MAPKAPK2: variants seen among roughly 807,000 people sequenced by gnomAD.
The protein encoded by MAPKAPK2 is MAPK activated protein kinase 2, also known as MAP kinase-activated protein kinase 2.
A neutral mutation model predicts 48.8 loss-of-function variants in MAPKAPK2; 9 were observed. The observed-to-expected ratio is 0.18, with a 90% CI of 0.11 to 0.32. MAPKAPK2 has a LOEUF of 0.32. Ranked by LOEUF, MAPKAPK2 falls within the 10% of genes least tolerant of loss-of-function variation. The pLI, the probability that MAPKAPK2 is intolerant of heterozygous loss-of-function variation, is 1.00. For synonymous variants in MAPKAPK2, 202 were observed against 190.6 expected (o/e 1.06, Z -0.49); for missense variants, 331 against 498.3 (o/e 0.66, Z 3.20).
Position 206,731,155 on chromosome 1 carries a change from C to T in MAPKAPK2, c.785C>T (p.Pro262Leu). 1 of 1,614,232 alleles carries T rather than the reference C, an allele frequency of 6.2e-7. No homozygotes were observed. Among genetic ancestry groups the T allele is most frequent in the Non-Finnish European group, 8.5e-7 (1 of 1,180,038 alleles). Residue 262 changes from proline to leucine, a missense_variant, in exon 7 of 10, where the codon CCC becomes CTC. Physicochemically the swap from Pro to Leu is moderately conservative, Grantham distance 98. Coordinates refer to ENST00000367103, the MANE Select transcript of MAPKAPK2 (RefSeq NM_032960.4). The surrounding 1 kb of genome is among the most constrained non-coding windows in gnomAD (Gnocchi z 5.9). ...TGATGCAGGCTGTGTGGGTATCCCC[C>T]CTTCTACTCCAACCACGGCCTTGCC... ...IMYILLCGYPPFYSNHGLAIS... is the reference protein window; with the variant it reads ...IMYILLCGYPLFYSNHGLAIS...
intron 1 of MAPKAPK2, among the ~76,000 whole-genome samples, chr1:206,688,517 G>A (rs1672353022): frequency 6.6e-6 from 1 of 152,220 alleles, no homozygotes; most frequent in Admixed American, 6.5e-5. Flanking sequence ...CCCAAAGTTG[G>A]AGGGGAACTT....
intron 1 of MAPKAPK2, among the ~76,000 whole-genome samples, chr1:206,701,238 T>C (rs1672783769): frequency 6.6e-6 from 1 of 152,236 alleles, no homozygotes; most frequent in Admixed American, 6.5e-5. Flanking sequence ...ACTGGCCATA[T>C]GTGACTATTA....
At chr1:206,711,405 C>T (rs1673135189) in intron 1 of MAPKAPK2, among the ~76,000 whole-genome samples, 1 of 152,096 alleles carries the variant, frequency 6.6e-6, no homozygotes, top group African/African-American at 2.4e-5. Context: ...TGCGTACCAC[C>T]ACACCCAGCT....
chr1:206,692,128 C>T (rs545521326), intron 1 of MAPKAPK2, among the ~76,000 whole-genome samples: 37 of 152,152 alleles, frequency 2.4e-4, no homozygotes, highest in Non-Finnish European at 4.0e-4. Context: ...AGGCTGTTCC[C>T]TGTGCACAGG....
chr1:206,716,041 A>G (rs558329083), intron 1 of MAPKAPK2, among the ~76,000 whole-genome samples: 57 of 150,484 alleles, frequency 3.8e-4, no homozygotes, highest in Admixed American at 3.2e-3. Context: ...CTCTGAATTG[A>G]CAAGCTTACT....
At chr1:206,699,958 TTC>T (rs59368306) in intron 1 of MAPKAPK2, among the ~76,000 whole-genome samples, 8 of 150,324 alleles carry the variant, frequency 5.3e-5, no homozygotes, top group South Asian at 2.1e-4. Context: ...TTTCGTTTCT[TTC>T]TCTCTCTCTC....
At position 206,710,149 on chromosome 1, in the gene MAPKAPK2, C is replaced by T. The variant is rs137893154; in HGVS notation, c.280-18561C>T. On this transcript the variant is annotated intron_variant, in intron 1 of 9. Coordinates refer to ENST00000367103, the MANE Select transcript of MAPKAPK2 (RefSeq NM_032960.4). The stretch of plus-strand genomic sequence containing the variant: ...TTACTATGGTTTGGTTAAATAACAT[C>T]AGTCCTCGAAGAATTTGGCTCAAAT... Among the ~76,000 whole-genome samples, 738 of 152,330 alleles carry T rather than the reference C, an allele frequency of 4.8e-3. 3 individuals carry two copies. The highest frequency in any genetic ancestry group is 9.0e-3 in the Non-Finnish European group (613 of 68,026).
rs568185454 is a variant in MAPKAPK2, at chr1:206,725,902, C to A, written c.280-2808C>A. Among the ~76,000 whole-genome samples, 11 of 152,288 alleles carry A rather than the reference C, an allele frequency of 7.2e-5. No homozygotes were observed. The South Asian group carries it at 1.5e-3, about 20-fold the overall frequency. ...TCCCCTCATATCTTCTTCTGCCCCCCACTAGCCTAGGCTTTTCCAGATCAG... is the reference window on the plus strand; with the variant it reads ...TCCCCTCATATCTTCTTCTGCCCCCAACTAGCCTAGGCTTTTCCAGATCAG... On this transcript the variant is annotated intron_variant, in intron 1 of 9. Transcript: ENST00000367103.
At chr1:206,701,783 G>A (rs1375501277) in intron 1 of MAPKAPK2, among the ~76,000 whole-genome samples, 5 of 132,960 alleles carry the variant, frequency 3.8e-5, no homozygotes, top group Non-Finnish European at 7.7e-5. Context: ...GCAGAGAGCC[G>A]TTATTGCACT....
At chr1:206,714,781 A>AG (rs71152485) in intron 1 of MAPKAPK2, among the ~76,000 whole-genome samples, 6 of 148,502 alleles carry the variant, frequency 4.0e-5, no homozygotes, top group Non-Finnish European at 7.5e-5. Flanking sequence ...AAAAAAAAAA[A>AG]GAAGTCCCAA....
chr1:206,709,088 T>C (rs981484487), intron 1 of MAPKAPK2, among the ~76,000 whole-genome samples: 22 of 152,226 alleles, frequency 1.4e-4, no homozygotes, highest in African/African-American at 5.3e-4. Context: ...AATGTTTTCA[T>C]TTCTCCTGGG....
rs1553432567 is a variant in MAPKAPK2, at chr1:206,731,111, C to G, written c.768-27C>G. ...CCACTAAGTGACAGCTGTTCTGTCT[C>G]CCACTTCCTTCCTCCTGTTGATGCA... On this transcript the variant is annotated intron_variant, in intron 6 of 9. Transcript: ENST00000367103. The surrounding 1 kb of genome is among the most constrained non-coding windows in gnomAD (Gnocchi z 5.9). 3 of 1,614,158 alleles carry G rather than the reference C, an allele frequency of 1.9e-6. No individual in the cohort carries two copies. The highest frequency in any genetic ancestry group is 1.1e-5 in the South Asian group (1 of 91,082).
chr1:206,689,623 A>G (rs1466326319), intron 1 of MAPKAPK2, among the ~76,000 whole-genome samples: 1 of 152,226 alleles, frequency 6.6e-6, no homozygotes, highest in African/African-American at 2.4e-5. Flanking sequence ...AATGGCCTGT[A>G]AAATTTTGAG....
intron 1 of MAPKAPK2, among the ~76,000 whole-genome samples, chr1:206,690,103 C>A (rs1672411619): frequency 6.6e-6 from 1 of 152,000 alleles, no homozygotes; most frequent in African/African-American, 2.4e-5. Flanking sequence ...GTTGGTGGCT[C>A]CAAATTGAAG....
At position 206,686,434 on chromosome 1, in the gene MAPKAPK2, A is replaced by G. The variant is rs535783177; in HGVS notation, c.279+926A>G. ...ATATCGACTTCAGAAGTTAAACACA[A>G]TGGACTGGGAGGTCTCATGAGATGG... On this transcript the variant is annotated intron_variant, in intron 1 of 9. Transcript: ENST00000367103. Among the ~76,000 whole-genome samples the G allele has an allele frequency of 9.2e-5, 14 of 152,308 alleles. No individual in the cohort carries two copies. The East Asian group carries it at 1.9e-3, about 21-fold the overall frequency.
At position 206,731,827 on chromosome 1, in the gene MAPKAPK2, C is replaced by T; in HGVS notation, c.979-12C>T. ...CCAGGCTTTCACTCGGACCCCTTTT[C>T]TCTCTTCTCAGCAATCAACAAAGGT... is the stretch of plus-strand genomic sequence containing the variant. On this transcript the variant is annotated splice_polypyrimidine_tract_variant and intron_variant, in intron 8 of 9. Transcript: ENST00000367103. This position sits in a 1 kb window ranked among gnomAD's most constrained non-coding sequence, Gnocchi z 5.9. The T allele has an allele frequency of 6.2e-7, 1 of 1,614,072 alleles. No homozygotes were observed. Among genetic ancestry groups the T allele is most frequent in the Non-Finnish European group, 8.5e-7 (1 of 1,179,942 alleles).
intron 1 of MAPKAPK2, among the ~76,000 whole-genome samples, chr1:206,690,181 G>A (rs1672414257): frequency 6.6e-6 from 1 of 152,226 alleles, no homozygotes; most frequent in African/African-American, 2.4e-5. Flanking sequence ...AAAAAGGTTA[G>A]GAATCATTGA....
intron 1 of MAPKAPK2, among the ~76,000 whole-genome samples, chr1:206,706,691 G>C (rs1270088056): frequency 3.9e-5 from 6 of 152,194 alleles, no homozygotes; most frequent in African/African-American, 1.4e-4. Flanking sequence ...ATGCATCACC[G>C]CTGCTGGGAA....
intron 1 of MAPKAPK2, among the ~76,000 whole-genome samples, chr1:206,719,430 A>G (rs138085602): frequency 8.5e-5 from 13 of 152,328 alleles, no homozygotes; most frequent in African/African-American, 2.9e-4. Context: ...TTTCCCCATC[A>G]TATTAATGAA....
Sources: allele counts gnomAD v4.1 joint callset (sites outside exome capture counted in the v4.1 genomes callset), GRCh38; gene constraint gnomAD v4.1.1; non-coding constraint Gnocchi (gnomAD v3.1); transcripts MANE v1.5; gene names NCBI Gene and HGNC (gene_info 2026-07-23, HGNC 2026-07-21).